Variants in EYS observed in about 807,000 individuals in gnomAD.
The protein encoded by EYS is EGF-like photoreceptor maintenance factor.
A neutral mutation model predicts 282.1 loss-of-function variants in EYS; 250 were observed. The observed-to-expected ratio is 0.89, with a 90% CI of 0.80 to 0.98. The LOEUF is 0.98. Ranked by LOEUF, EYS falls within the 50% of genes least tolerant of loss-of-function variation. EYS has a pLI of 0.00. For synonymous variants in EYS, 1,355 were observed against 1,282.9 expected (o/e 1.06, Z -1.20); for missense variants, 4,016 against 3,709.0 (o/e 1.08, Z -2.15).
chr6:64,502,252 GT>G (rs71551592), intron 26 of EYS, among the ~76,000 whole-genome samples: 45,456 of 150,912 alleles, frequency 0.3, 6,894 homozygotes, highest in East Asian at 0.47. Flanking sequence ...GTTTTGTTTT[GT>G]TTTTTTTGCC....
intron 30 of EYS, among the ~76,000 whole-genome samples, chr6:64,303,895 A>T (rs1456081815): frequency 6.6e-6 from 1 of 151,320 alleles, no homozygotes; most frequent in Non-Finnish European, 1.5e-5. Flanking sequence ...AAGTCAGCCT[A>T]ATCCTCTTAC....
chr6:63,819,104 G>A, intron 36 of EYS, among the ~76,000 whole-genome samples: 1 of 152,182 alleles, frequency 6.6e-6, no homozygotes, highest in Non-Finnish European at 1.5e-5. Context: ...GTGAAGGCAG[G>A]ATTTTGTCAT....
chr6:64,132,552 A>G (rs969852290), intron 31 of EYS, among the ~76,000 whole-genome samples: 1 of 152,002 alleles, frequency 6.6e-6, no homozygotes, highest in Non-Finnish European at 1.5e-5. Flanking sequence ...ATTCAACATT[A>G]TAAATCTGAG....
In EYS at chr6:64,668,819, A is replaced by G. The variant is rs111736034; in HGVS notation, c.3444-42574T>C. Among the ~76,000 whole-genome samples the G allele has an allele frequency of 4.4e-3, 663 of 151,996 alleles. 4 individuals carry two copies. Among genetic ancestry groups the G allele is most frequent in the African/African-American group, 0.015 (612 of 41,480 alleles). On this transcript the variant is annotated intron_variant, in intron 22 of 42. Transcript: ENST00000503581. ...CCTGACCTCGTGATCCACCCGCCTC[A>G]GCCTCCCAAAGTGCTGGTATTACAG...
intron 7 of EYS, among the ~76,000 whole-genome samples, chr6:65,393,528 A>G (rs886498285): frequency 6.6e-6 from 1 of 152,210 alleles, no homozygotes; most frequent in Non-Finnish European, 1.5e-5. Context: ...AAAATTAATA[A>G]GAAAATATAA....
At chr6:64,580,473 G>A (rs1194224593) in intron 26 of EYS, among the ~76,000 whole-genome samples, 1 of 152,054 alleles carries the variant, frequency 6.6e-6, no homozygotes, top group African/African-American at 2.4e-5. Context: ...TCATGAGAAG[G>A]GACTATGAGC....
At chr6:63,756,869 A>C (rs571551353) in intron 41 of EYS, among the ~76,000 whole-genome samples, 2 of 152,266 alleles carry the variant, frequency 1.3e-5, no homozygotes, top group Non-Finnish European at 2.9e-5. Context: ...TACTTTTATA[A>C]TTTCTTATCC....
At chr6:65,440,879 T>G (rs1768292164) in intron 5 of EYS, among the ~76,000 whole-genome samples, 1 of 147,270 alleles carries the variant, frequency 6.8e-6, no homozygotes, top group African/African-American at 2.5e-5. Context: ...ATTATATATT[T>G]ATATTATATA....
At chr6:65,529,138 T>A (rs1393371797) in intron 2 of EYS, among the ~76,000 whole-genome samples, 26 of 151,560 alleles carry the variant, frequency 1.7e-4, no homozygotes, top group Non-Finnish European at 3.5e-4. Flanking sequence ...CTTGCTATTC[T>A]TAAAAAAAAA....
chr6:65,558,814 A>T (rs1236605635), intron 2 of EYS, among the ~76,000 whole-genome samples: 1 of 152,168 alleles, frequency 6.6e-6, no homozygotes, highest in Non-Finnish European at 1.5e-5. Flanking sequence ...GGATAATTCT[A>T]ACAATGTCAA....
intron 15 of EYS, among the ~76,000 whole-genome samples, chr6:64,924,312 C>A (rs969101187): frequency 6.6e-6 from 1 of 152,120 alleles, no homozygotes; most frequent in African/African-American, 2.4e-5. Flanking sequence ...CACAGGGCAC[C>A]AAGTCCCTAG....
chr6:65,611,486 T>C (rs1766000688), intron 2 of EYS, among the ~76,000 whole-genome samples: 1 of 152,068 alleles, frequency 6.6e-6, no homozygotes, highest in Admixed American at 6.6e-5. Flanking sequence ...TAGTTTTCTT[T>C]TTATAGATAA....
At chr6:64,906,890 T>C (rs182494466) in intron 16 of EYS, among the ~76,000 whole-genome samples, 7 of 152,256 alleles carry the variant, frequency 4.6e-5, no homozygotes, top group Admixed American at 4.6e-4. Context: ...AAAAGAACAT[T>C]AGAAAAGAAA....
At chr6:64,854,013 T>A (rs928711161) in intron 19 of EYS, among the ~76,000 whole-genome samples, 1 of 152,064 alleles carries the variant, frequency 6.6e-6, no homozygotes, top group African/African-American at 2.4e-5. Flanking sequence ...TCATCATCAC[T>A]GGCCATCAGA....
chr6:65,394,535 T>G (rs1260022623), intron 7 of EYS, among the ~76,000 whole-genome samples: 1 of 152,146 alleles, frequency 6.6e-6, no homozygotes, highest in African/African-American at 2.4e-5. Flanking sequence ...TAGCACTGCC[T>G]TTGGAGAAAT....
At chr6:65,312,499 C>A (rs1266550827) in intron 11 of EYS, among the ~76,000 whole-genome samples, 6 of 152,114 alleles carry the variant, frequency 3.9e-5, no homozygotes, top group Non-Finnish European at 4.4e-5. Context: ...AGAGACCTCC[C>A]AAACTCTATA....
chr6:64,682,926 G>A (rs745710508), intron 22 of EYS, among the ~76,000 whole-genome samples: 1 of 152,102 alleles, frequency 6.6e-6, no homozygotes, highest in Non-Finnish European at 1.5e-5. Flanking sequence ...GACCCATATG[G>A]ATTCACAGCC....
chr6:64,823,054 G>A (rs1764947874), intron 19 of EYS, among the ~76,000 whole-genome samples: 1 of 151,958 alleles, frequency 6.6e-6, no homozygotes. Flanking sequence ...TTAATCTACT[G>A]AGGAGATTGT....
intron 2 of EYS, among the ~76,000 whole-genome samples, chr6:65,619,718 G>A (rs139416168): frequency 1.3e-5 from 2 of 151,108 alleles, no homozygotes; most frequent in Non-Finnish European, 3.0e-5. Flanking sequence ...ATTATTTTGA[G>A]ATACGTCCCA....
Sources: gnomAD v4.1 joint callset for allele counts (sites outside exome capture counted in the v4.1 genomes callset) on GRCh38, gnomAD v4.1.1 for gene constraint, MANE v1.5 for transcripts, NCBI Gene and HGNC (gene_info 2026-07-23, HGNC 2026-07-21) for gene names.